NUBPL: variants seen among roughly 807,000 people sequenced by gnomAD.
NUBPL encodes iron-sulfur cluster transfer protein NUBPL.
NUBPL carries 31 observed loss-of-function variants against 45.7 expected under a neutral mutation model. The observed-to-expected ratio is 0.68, with a 90% CI of 0.51 to 0.92. The LOEUF is 0.92. Among genes scored for constraint, NUBPL ranks in the 40% least tolerant of loss-of-function variants. The probability of loss-of-function intolerance (pLI) is 0.00; values close to 1 mark genes in which losing one functional copy is unlikely to be tolerated. For missense variants in NUBPL, 401 were observed against 398.7 expected (o/e 1.01, Z -0.05); for synonymous variants, 144 against 140.9 (o/e 1.02, Z -0.15).
intron 10 of NUBPL, 120 bp downstream of exon 10, chr14:31,850,321 A>G: frequency 3.8e-6 from 3 of 788,218 alleles, no homozygotes; most frequent in Non-Finnish European, 4.3e-6. Flanking sequence ...AACAAGGATT[A>G]TTTAACTTGT....
chr14:31,821,672 TC>T (rs1479329541), intron 7 of NUBPL, among the ~76,000 whole-genome samples: 1 of 152,176 alleles, frequency 6.6e-6, no homozygotes, highest in African/African-American at 2.4e-5. Flanking sequence ...GATTGAGCAG[TC>T]CTATTGCTGG....
intron 7 of NUBPL, among the ~76,000 whole-genome samples, chr14:31,823,648 G>T (rs894372083): frequency 1.3e-5 from 2 of 152,086 alleles, no homozygotes; most frequent in African/African-American, 2.4e-5. Flanking sequence ...TGTAATCATA[G>T]AGATAGCTGA....
chr14:31,855,567 A>G (rs1435836898), intron 10 of NUBPL, among the ~76,000 whole-genome samples: 1 of 152,020 alleles, frequency 6.6e-6, no homozygotes, highest in East Asian at 1.9e-4. Context: ...TACATGAAGT[A>G]CTTGGTATAG....
chr14:31,711,112 G>A (rs1042685839), intron 6 of NUBPL, among the ~76,000 whole-genome samples: 6 of 152,188 alleles, frequency 3.9e-5, no homozygotes, highest in Non-Finnish European at 5.9e-5. Context: ...GGTGAGTCTC[G>A]CTTGGGCGAC....
At chr14:31,728,311 T>A (rs2037971158) in intron 6 of NUBPL, among the ~76,000 whole-genome samples, 1 of 151,664 alleles carries the variant, frequency 6.6e-6, no homozygotes, top group South Asian at 2.1e-4. Flanking sequence ...TAAATTTATT[T>A]ATTATTATTA....
chr14:31,664,508 A>G (rs1209900460), intron 4 of NUBPL, among the ~76,000 whole-genome samples: 1 of 152,098 alleles, frequency 6.6e-6, no homozygotes, highest in Admixed American at 6.6e-5. Flanking sequence ...GGTTTTTGTC[A>G]TTGGTTCTGT....
chr14:31,636,625 T>C (rs1052840167), intron 4 of NUBPL, among the ~76,000 whole-genome samples: 44 of 152,210 alleles, frequency 2.9e-4, no homozygotes, highest in African/African-American at 9.9e-4. Context: ...AGGAAGGATT[T>C]CCTCTTTTTC....
intron 6 of NUBPL, among the ~76,000 whole-genome samples, chr14:31,745,044 T>TTTTTTTA (rs1555333862): frequency 8.6e-5 from 13 of 150,568 alleles, no homozygotes; most frequent in South Asian, 8.4e-4. Flanking sequence ...TTATTTCTTT[T>TTTTTTTA]TTTTTATTTT....
chr14:31,595,699 G>T (rs973492711), intron 3 of NUBPL, among the ~76,000 whole-genome samples: 2 of 152,074 alleles, frequency 1.3e-5, no homozygotes, highest in Non-Finnish European at 1.5e-5. Context: ...TAAAATAGGA[G>T]CCTATTTAAA....
At chr14:31,851,290 A>AT (rs1365001192) in intron 10 of NUBPL, among the ~76,000 whole-genome samples, 4 of 126,266 alleles carry the variant, frequency 3.2e-5, no homozygotes, top group Admixed American at 1.6e-4. Context: ...CAGTACTGGT[A>AT]TTTTTTCCAA....
intron 6 of NUBPL, among the ~76,000 whole-genome samples, chr14:31,743,357 C>T (rs1305341270): frequency 5.9e-5 from 9 of 152,012 alleles, no homozygotes; most frequent in South Asian, 4.2e-4. Context: ...TATTCATTCT[C>T]GGCTGGGCTC....
At chr14:31,798,303 G>GTTTTTT (rs71115031) in intron 7 of NUBPL, among the ~76,000 whole-genome samples, 24 of 107,244 alleles carry the variant, frequency 2.2e-4, no homozygotes, top group Non-Finnish European at 3.1e-4. Flanking sequence ...TTTATTTATG[G>GTTTTTT]TTTTTTTTTT....
intron 6 of NUBPL, among the ~76,000 whole-genome samples, chr14:31,707,733 G>A (rs1277965567): frequency 2.0e-5 from 3 of 152,196 alleles, no homozygotes; most frequent in Non-Finnish European, 2.9e-5. Context: ...CTGGGCCTTC[G>A]GCCTAAACAC....
At chr14:31,782,817 CAT>C (rs993839941) in intron 6 of NUBPL, among the ~76,000 whole-genome samples, 20 of 149,832 alleles carry the variant, frequency 1.3e-4, no homozygotes, top group Admixed American at 1.2e-3. Flanking sequence ...CAAAAATAAA[CAT>C]AGAAATCTTG....
At chr14:31,764,438 T>G (rs2038873745) in intron 6 of NUBPL, among the ~76,000 whole-genome samples, 1 of 152,204 alleles carries the variant, frequency 6.6e-6, no homozygotes, top group African/African-American at 2.4e-5. Context: ...CAACAGTGCT[T>G]GGCACATGTA....
At chr14:31,704,438 C>A (rs1176340534) in intron 6 of NUBPL, among the ~76,000 whole-genome samples, 2 of 152,084 alleles carry the variant, frequency 1.3e-5, no homozygotes, top group African/African-American at 4.8e-5. Flanking sequence ...CCAAGGTGGG[C>A]AGATCACCTG....
intron 3 of NUBPL, among the ~76,000 whole-genome samples, chr14:31,597,523 A>G (rs531192481): frequency 5.9e-5 from 9 of 152,256 alleles, no homozygotes; most frequent in African/African-American, 2.2e-4. Context: ...GACCCTAGCA[A>G]TCTTATATTA....
rs1198424918 is a variant in NUBPL, at chr14:31,826,712, C to A, written c.691C>A (p.Pro231Thr). Reference protein sequence around the residue: ...GAEMFRRVHVPVLGLVQNMSV... With the variant: ...GAEMFRRVHVTVLGLVQNMSV... ...TGAGATGTTTCGCAGAGTCCACGTG[C>A]CCGTAAGCGTTTACAGCTTCACTGT... The change falls in exon 8 of 11, where the codon CCC becomes ACC. Residue 231 changes from proline (P) to threonine (T), a missense_variant and splice_region_variant. Transcript: ENST00000281081. 3 of 1,613,536 alleles carry A rather than the reference C, an allele frequency of 1.9e-6. No homozygotes were observed. Among genetic ancestry groups the A allele is most frequent in the African/African-American group, 2.7e-5 (2 of 75,044 alleles).
chr14:31,730,063 A>G (rs2038016069), intron 6 of NUBPL, among the ~76,000 whole-genome samples: 1 of 152,184 alleles, frequency 6.6e-6, no homozygotes, highest in African/African-American at 2.4e-5. Flanking sequence ...TAGAAAAAGT[A>G]AGGTTCTGTT....
Sources: allele counts gnomAD v4.1 joint callset (sites outside exome capture counted in the v4.1 genomes callset), GRCh38; gene constraint gnomAD v4.1.1; transcripts MANE v1.5; gene names NCBI Gene and HGNC (gene_info 2026-07-23, HGNC 2026-07-21).